The following FOXP1 variants were observed in gnomAD, a reference collection of about 807,000 sequenced individuals.
The protein encoded by FOXP1 is forkhead box protein P1.
FOXP1 carries 15 observed loss-of-function variants against 98.2 expected under a neutral mutation model. That is an observed-to-expected ratio of 0.15 (90% CI 0.10 to 0.24). The LOEUF is 0.24. FOXP1 is among the 10% of genes least tolerant of loss of function. FOXP1 has a pLI of 1.00. For missense variants in FOXP1, 633 were observed against 848.5 expected, an observed-to-expected ratio of 0.75 and a Z score of 3.15; for synonymous variants, 371 against 314.5, an observed-to-expected ratio of 1.18 and a Z score of -1.90.
intron 5 of FOXP1, among the ~76,000 whole-genome samples, chr3:71,210,110 T>C (rs2064340689): frequency 6.6e-6 from 1 of 152,226 alleles, no homozygotes; most frequent in Non-Finnish European, 1.5e-5. Context: ...AATCAGGTTA[T>C]TGGAATTTTC....
chr3:71,470,363 T>C (rs1036979368), intron 3 of FOXP1, among the ~76,000 whole-genome samples: 4 of 152,238 alleles, frequency 2.6e-5, no homozygotes, highest in African/African-American at 9.6e-5. Context: ...GCTAAGAGAA[T>C]GTGTGTTACT....
At chr3:71,528,613 A>G (rs973238691) in intron 2 of FOXP1, among the ~76,000 whole-genome samples, 4 of 152,220 alleles carry the variant, frequency 2.6e-5, no homozygotes, top group African/African-American at 9.6e-5. Flanking sequence ...ATGCGGAGTC[A>G]TTTACCCTGA....
At chr3:71,370,040 T>C (rs2079186859) in intron 3 of FOXP1, among the ~76,000 whole-genome samples, 2 of 152,218 alleles carry the variant, frequency 1.3e-5, no homozygotes, top group East Asian at 1.9e-4. Context: ...CGGTGGGTGT[T>C]AGCCAGGTAG....
chr3:71,521,292 G>C (rs1322234271), intron 2 of FOXP1, among the ~76,000 whole-genome samples: 3 of 152,214 alleles, frequency 2.0e-5, no homozygotes, highest in Non-Finnish European at 4.4e-5. Context: ...AGTACTTTGG[G>C]AGGCCGAGTG....
intron 4 of FOXP1, among the ~76,000 whole-genome samples, chr3:71,336,344 G>T (rs1056030937): frequency 6.6e-6 from 1 of 152,110 alleles, no homozygotes; most frequent in Non-Finnish European, 1.5e-5. Flanking sequence ...GTGCCATGGT[G>T]GTTTGCTGCA....
intron 7 of FOXP1, among the ~76,000 whole-genome samples, chr3:71,103,183 T>G (rs1360347904): frequency 6.6e-6 from 1 of 152,120 alleles, no homozygotes; most frequent in Non-Finnish European, 1.5e-5. Context: ...GAGTAAAGTT[T>G]GAATGAATGA....
intron 6 of FOXP1, among the ~76,000 whole-genome samples, chr3:71,193,139 G>A (rs1368362760): frequency 6.6e-6 from 1 of 151,300 alleles, no homozygotes; most frequent in Non-Finnish European, 1.5e-5. Flanking sequence ...TGTTGTTGTT[G>A]TTGTTGTTTA....
At chr3:71,024,361 C>G (rs2045844547) in intron 11 of FOXP1, among the ~76,000 whole-genome samples, 1 of 152,170 alleles carries the variant, frequency 6.6e-6, no homozygotes, top group Non-Finnish European at 1.5e-5. Context: ...CCTTAATTTT[C>G]ACTTCTCACT....
intron 3 of FOXP1, among the ~76,000 whole-genome samples, chr3:71,456,945 GT>G: frequency 6.6e-6 from 1 of 151,996 alleles, no homozygotes; most frequent in African/African-American, 2.4e-5. Flanking sequence ...TCTGAGAGAT[GT>G]GTCATTTACC....
chr3:71,177,159 C>T (rs1042621192), intron 6 of FOXP1, among the ~76,000 whole-genome samples: 2 of 152,154 alleles, frequency 1.3e-5, no homozygotes, highest in Non-Finnish European at 1.5e-5. Context: ...TTCGGTCTGA[C>T]GGTGCCAGGC....
At chr3:71,121,271 G>A (rs2058746411) in intron 6 of FOXP1, among the ~76,000 whole-genome samples, 1 of 150,160 alleles carries the variant, frequency 6.7e-6, no homozygotes, top group Admixed American at 6.6e-5. Flanking sequence ...AGCAAACCCT[G>A]TATCCGCTTG....
At position 70,979,279 on chromosome 3, in the gene FOXP1, C is replaced by CAA. The variant is rs544916383; in HGVS notation, c.1147-1252_1147-1251dup. Among the ~76,000 whole-genome samples, 57 of 42,564 alleles carry CAA rather than the reference C, an allele frequency of 1.3e-3. 3 individuals carry two copies. The highest frequency in any genetic ancestry group is 5.1e-3 in the East Asian group (4 of 792). 27.9% of individuals were successfully genotyped at this position (42,564 alleles called of 152,430 possible). Reference sequence around the variant, plus strand: ...TGGGTGATAGAGTGAGACTCTACCTCAAAAAAAAAAAAAAAAAAAAAAAAA... The same window carrying CAA: ...TGGGTGATAGAGTGAGACTCTACCTCAAAAAAAAAAAAAAAAAAAAAAAAAAA... On this transcript the variant is annotated intron_variant, in intron 14 of 20. Coordinates refer to ENST00000649528, the MANE Select transcript of FOXP1 (RefSeq NM_001349338.3).
chr3:71,316,734 G>A (rs1377958283), intron 4 of FOXP1, among the ~76,000 whole-genome samples: 2 of 150,594 alleles, frequency 1.3e-5, no homozygotes, highest in Admixed American at 1.3e-4. Context: ...CTCAGCTCAC[G>A]GCAACCTTCG....
At chr3:71,209,271 TATA>T (rs1401065650) in intron 5 of FOXP1, among the ~76,000 whole-genome samples, 2 of 152,244 alleles carry the variant, frequency 1.3e-5, no homozygotes, top group Non-Finnish European at 2.9e-5. Context: ...TTTAAAACAC[TATA>T]ATGTTTTCAT....
intron 4 of FOXP1, among the ~76,000 whole-genome samples, chr3:71,354,235 G>A (rs1429583704): frequency 6.6e-6 from 1 of 151,478 alleles, no homozygotes; most frequent in Admixed American, 6.6e-5. Context: ...CTGAGATTGC[G>A]CCACTGCGCT....
intron 5 of FOXP1, among the ~76,000 whole-genome samples, chr3:71,234,227 A>C (rs1456718647): frequency 1.3e-5 from 2 of 152,210 alleles, no homozygotes; most frequent in Non-Finnish European, 2.9e-5. Context: ...GGATAACCAG[A>C]TTATTTGCCA....
intron 2 of FOXP1, among the ~76,000 whole-genome samples, chr3:71,561,544 C>T (rs2046541482): frequency 6.6e-6 from 1 of 152,078 alleles, no homozygotes; most frequent in Non-Finnish European, 1.5e-5. Context: ...CTTAACCTCT[C>T]TGGAACTCAG....
chr3:71,106,761 G>T (rs557540478), intron 7 of FOXP1, among the ~76,000 whole-genome samples: 3 of 129,854 alleles, frequency 2.3e-5, no homozygotes, highest in Non-Finnish European at 4.8e-5. Flanking sequence ...GTTGCACCTG[G>T]TTCAAATAGG....
chr3:71,284,849 T>C (rs2071942574), intron 5 of FOXP1, among the ~76,000 whole-genome samples: 1 of 151,166 alleles, frequency 6.6e-6, no homozygotes, highest in South Asian at 2.1e-4. Context: ...AAAAAAAGAG[T>C]AGAAGGAAAT....
Sources: allele counts gnomAD v4.1 joint callset (sites outside exome capture counted in the v4.1 genomes callset), GRCh38; gene constraint gnomAD v4.1.1; transcripts MANE v1.5; gene names NCBI Gene and HGNC (gene_info 2026-07-23, HGNC 2026-07-21).